Variants in ANKRD13C observed in about 807,000 individuals in gnomAD.
ANKRD13C encodes the protein ankyrin repeat domain-containing protein 13C.
Under a neutral mutation model 65.5 loss-of-function variants are expected in ANKRD13C, and 16 were observed. The ratio of observed to expected loss-of-function variants is 0.24; its 90% CI spans 0.17 to 0.37. The LOEUF is 0.37. Among genes scored for constraint, ANKRD13C ranks in the 10% least tolerant of loss-of-function variants. The pLI is 1.00. For missense variants in ANKRD13C, 503 were observed against 655.9 expected, an observed-to-expected ratio of 0.77 and a Z score of 2.55; for synonymous variants, 235 against 238.7, an observed-to-expected ratio of 0.98 and a Z score of 0.14.
chr1:70,343,828 G>A (rs1189163161), intron 1 of ANKRD13C, among the ~76,000 whole-genome samples: 2 of 152,116 alleles, frequency 1.3e-5, no homozygotes, highest in Admixed American at 6.6e-5. Flanking sequence ...ATGAGCCACC[G>A]CACCAGGCTA....
chr1:70,346,018 G>C (rs1682512194), intron 1 of ANKRD13C, among the ~76,000 whole-genome samples: 1 of 151,296 alleles, frequency 6.6e-6, no homozygotes, highest in African/African-American at 2.4e-5. Context: ...TTTTAATAGA[G>C]ACAGGGTCTC....
At chr1:70,310,332 T>G (rs528363255) in intron 5 of ANKRD13C, among the ~76,000 whole-genome samples, 1 of 152,202 alleles carries the variant, frequency 6.6e-6, no homozygotes, top group Non-Finnish European at 1.5e-5. Flanking sequence ...CTAATTAAAG[T>G]TTGATCATAA....
At chr1:70,345,326 G>A (rs1682478907) in intron 1 of ANKRD13C, among the ~76,000 whole-genome samples, 1 of 152,054 alleles carries the variant, frequency 6.6e-6, no homozygotes, top group Non-Finnish European at 1.5e-5. Context: ...CTACTCGGGA[G>A]GCTGAAGCAG....
At chr1:70,341,965 C>T (rs1682329834) in intron 1 of ANKRD13C, among the ~76,000 whole-genome samples, 1 of 151,804 alleles carries the variant, frequency 6.6e-6, no homozygotes, top group Non-Finnish European at 1.5e-5. Flanking sequence ...GTGGCAGAGA[C>T]AGAAGTAGAC....
Position 70,331,367 on chromosome 1 carries a change from C to T in ANKRD13C, c.472+4691G>A, listed in dbSNP as rs531361469. ...TCTGAGGTCAGGAGTTCGAGACCAG[C>T]CTAGCCAATATGGTGAAACCCCGTC... On this transcript the variant is annotated intron_variant, in intron 2 of 12. Transcript: ENST00000370944. Among the ~76,000 whole-genome samples the T allele has an allele frequency of 3.2e-3, 484 of 151,986 alleles. 4 individuals are homozygous for T. Among genetic ancestry groups the T allele is most frequent in the Non-Finnish European group, 5.0e-3 (341 of 67,978 alleles).
chr1:70,332,886 C>A (rs1681873114), intron 2 of ANKRD13C, among the ~76,000 whole-genome samples: 1 of 152,034 alleles, frequency 6.6e-6, no homozygotes, highest in African/African-American at 2.4e-5. Context: ...AAAATTAGAA[C>A]CCTCAAACAG....
chr1:70,325,039 C>A, intron 2 of ANKRD13C, 82 bp from the exon 3 acceptor site: 2 of 925,130 alleles, frequency 2.2e-6, no homozygotes, highest in South Asian at 2.1e-5. Flanking sequence ...GTTTAATAAA[C>A]CAAATTAACA....
In ANKRD13C at chr1:70,262,840, A is replaced by T; in HGVS notation, c.1503T>A (p.Pro501=). ...PPGFPVKLDI[P]VFPTITATVT... is the part of the protein sequence containing the mutation. ...CAGTGGCTGTGATTGTGGGAAACAC[A>T]GGTATATCTACAGAGAGAACATCAA... Residue 501 remains proline (P), a synonymous_variant, in exon 13 of 13, where the codon CCT becomes CCA. Transcript: ENST00000370944. 6.2e-7 allele frequency: 1 copy of T among 1,611,544 alleles called. No homozygotes were observed.
chr1:70,323,674 AG>A lies in ANKRD13C; in HGVS notation c.577+1178del, dbSNP rs373509294. On this transcript the variant is annotated intron_variant, in intron 3 of 12. Transcript: ENST00000370944. ...AAAAAAAAATTTTTTTTGTTTATAA[AG>A]TTCAGGAAGTCCACAAAAATGTATG... Among the ~76,000 whole-genome samples, 567 of 151,932 alleles carry A rather than the reference AG, an allele frequency of 3.7e-3. 6 individuals carry two copies. Among genetic ancestry groups the A allele is most frequent in the African/African-American group, 0.013 (545 of 41,456 alleles).
intron 6 of ANKRD13C, among the ~76,000 whole-genome samples, chr1:70,302,742 A>G (rs1680427397): frequency 9.2e-6 from 1 of 109,278 alleles, no homozygotes; most frequent in African/African-American, 4.0e-5. Context: ...AAAAAAAAAA[A>G]AAAAAAAAAA....
intron 9 of ANKRD13C, 173 bp downstream of exon 9, chr1:70,292,215 A>AT (rs1192286487): frequency 8.4e-6 from 4 of 476,788 alleles, no homozygotes; most frequent in South Asian, 6.4e-5. Context: ...CCCAAAAGAC[A>AT]TTTTTTTGTC....
intron 1 of ANKRD13C, among the ~76,000 whole-genome samples, chr1:70,351,355 TG>T: frequency 6.6e-6 from 1 of 152,366 alleles, no homozygotes; most frequent in Non-Finnish European, 1.5e-5. Context: ...TATGCATTTA[TG>T]TTAAAGCAAT....
chr1:70,344,260 G>T (rs1461582218), intron 1 of ANKRD13C, among the ~76,000 whole-genome samples: 1 of 143,176 alleles, frequency 7.0e-6, no homozygotes, highest in Non-Finnish European at 1.5e-5. Flanking sequence ...TCATGCCACT[G>T]CACTCAGCCT....
intron 7 of ANKRD13C, among the ~76,000 whole-genome samples, chr1:70,299,962 G>T (rs1300270249): frequency 1.3e-5 from 2 of 152,154 alleles, no homozygotes; most frequent in East Asian, 3.8e-4. Context: ...TTAACACAAA[G>T]ATATGGCATG....
Position 70,354,642 on chromosome 1 carries a change from AC to A in ANKRD13C, c.-235del. 9.9e-7 allele frequency: 1 copy of A among 1,011,494 alleles called. No individual in the cohort carries two copies. Among genetic ancestry groups the A allele is most frequent in the Non-Finnish European group, 1.4e-6 (1 of 715,116 alleles). 62.7% of individuals were successfully genotyped at this position (1,011,494 alleles called of 1,614,324 possible). Reference sequence around the variant, plus strand: ...AAGCTAGAACTCAGGTGCCCACGACACCAGGATCTCAGTCTCGCCGTCGCAG... The same window carrying A: ...AAGCTAGAACTCAGGTGCCCACGACACAGGATCTCAGTCTCGCCGTCGCAG... On this transcript the variant is annotated 5_prime_UTR_variant, in exon 1 of 13. Coordinates refer to ENST00000370944, the MANE Select transcript of ANKRD13C (RefSeq NM_030816.5).
chr1:70,351,931 T>C (rs543670551), intron 1 of ANKRD13C, among the ~76,000 whole-genome samples: 3 of 152,186 alleles, frequency 2.0e-5, no homozygotes, highest in South Asian at 2.1e-4. Flanking sequence ...CATGTACACA[T>C]TGCAGGGGGG....
chr1:70,330,574 C>CAAAAAAA (rs71071394), intron 2 of ANKRD13C, among the ~76,000 whole-genome samples: 49 of 68,332 alleles, frequency 7.2e-4, no homozygotes, highest in Middle Eastern at 0.015. Flanking sequence ...ACAAACAAAC[C>CAAAAAAA]AAAAAAAAAA....
At chr1:70,311,308 C>A (rs1295588023) in intron 5 of ANKRD13C, among the ~76,000 whole-genome samples, 2 of 152,024 alleles carry the variant, frequency 1.3e-5, no homozygotes, top group Admixed American at 1.3e-4. Context: ...GCCTGGCCAA[C>A]ACAGTGAAAA....
At chr1:70,289,801 T>C (rs1679782578) in intron 9 of ANKRD13C, among the ~76,000 whole-genome samples, 1 of 152,122 alleles carries the variant, frequency 6.6e-6, no homozygotes, top group Non-Finnish European at 1.5e-5. Flanking sequence ...TTTAAAAAAG[T>C]AGCATTAACC....
Sources: allele counts gnomAD v4.1 joint callset (sites outside exome capture counted in the v4.1 genomes callset), GRCh38; gene constraint gnomAD v4.1.1; transcripts MANE v1.5; gene names NCBI Gene and HGNC (gene_info 2026-07-23, HGNC 2026-07-21).